The following LPP variants were observed in gnomAD, a reference collection of about 807,000 sequenced individuals.
LPP encodes LIM domain containing preferred translocation partner in lipoma.
A neutral mutation model predicts 60.4 loss-of-function variants in LPP; 38 were observed. That is an observed-to-expected ratio of 0.63 (90% CI 0.49 to 0.83). LPP has a LOEUF of 0.83. Ranked by LOEUF, LPP falls within the 40% of genes least tolerant of loss-of-function variation. LPP has a pLI of 0.00. For missense variants in LPP, 902 were observed against 783.6 expected, an observed-to-expected ratio of 1.15 and a Z score of -1.80; for synonymous variants, 328 against 290.8, an observed-to-expected ratio of 1.13 and a Z score of -1.30.
chr3:188,367,857 TA>T (rs1458685019), intron 3 of LPP, among the ~76,000 whole-genome samples: 2 of 152,246 alleles, frequency 1.3e-5, no homozygotes, highest in East Asian at 3.8e-4. Context: ...ATTTATTTTA[TA>T]ATGGAACCAT....
At chr3:188,183,592 G>A (rs1056658467) in intron 1 of LPP, among the ~76,000 whole-genome samples, 49 of 152,328 alleles carry the variant, frequency 3.2e-4, no homozygotes, top group African/African-American at 1.1e-3. Flanking sequence ...CAGACTTCAT[G>A]TAGTGGCCAA....
At chr3:188,488,215 AG>A (rs976392824) in intron 5 of LPP, among the ~76,000 whole-genome samples, 1 of 152,146 alleles carries the variant, frequency 6.6e-6, no homozygotes, top group African/African-American at 2.4e-5. Context: ...GATTCATTGC[AG>A]AGGGTTACAC....
At chr3:188,361,865 G>T (rs1318264756) in intron 3 of LPP, among the ~76,000 whole-genome samples, 1 of 152,146 alleles carries the variant, frequency 6.6e-6, no homozygotes, top group African/African-American at 2.4e-5. Flanking sequence ...ACTGTGCCTA[G>T]CCCCTCTAGG....
intron 9 of LPP, among the ~76,000 whole-genome samples, chr3:188,840,166 C>G (rs1028795338): frequency 6.6e-6 from 1 of 152,034 alleles, no homozygotes. Context: ...TCCAAGAAAC[C>G]CACGATTTCT....
intron 9 of LPP, among the ~76,000 whole-genome samples, chr3:188,862,049 G>A (rs1765318704): frequency 6.6e-6 from 1 of 152,168 alleles, no homozygotes; most frequent in Non-Finnish European, 1.5e-5. Context: ...ATTACTTACT[G>A]TGTGTCATGA....
At chr3:188,199,200 G>A (rs1313137429) in intron 1 of LPP, among the ~76,000 whole-genome samples, 1 of 152,222 alleles carries the variant, frequency 6.6e-6, no homozygotes, top group Non-Finnish European at 1.5e-5. Context: ...GGCAAGCCTT[G>A]AGAGGAAGGG....
intron 7 of LPP, chr3:188,688,769 A>T (rs1408352649): frequency 1.9e-6 from 1 of 515,058 alleles, no homozygotes; most frequent in Non-Finnish European, 4.0e-6. Flanking sequence ...GATACAAGAA[A>T]AAATTTAAAA....
chr3:188,584,047 T>C (rs1277384316), intron 6 of LPP, among the ~76,000 whole-genome samples: 1 of 152,156 alleles, frequency 6.6e-6, no homozygotes, highest in African/African-American at 2.4e-5. Context: ...TATGTGTAAG[T>C]ACTACATCCC....
intron 6 of LPP, among the ~76,000 whole-genome samples, chr3:188,571,215 G>A (rs1358187440): frequency 1.3e-5 from 2 of 152,056 alleles, no homozygotes; most frequent in Non-Finnish European, 2.9e-5. Context: ...TAGTAGTGGT[G>A]ATTTCTTTGC....
intron 3 of LPP, among the ~76,000 whole-genome samples, chr3:188,395,697 G>A (rs188409206): frequency 6.6e-6 from 1 of 152,284 alleles, no homozygotes; most frequent in African/African-American, 2.4e-5. Context: ...AGGCCAGGGT[G>A]AGAGCACCGC....
intron 6 of LPP, among the ~76,000 whole-genome samples, chr3:188,564,989 C>T (rs1226768708): frequency 2.6e-5 from 4 of 151,910 alleles, no homozygotes; most frequent in Non-Finnish European, 5.9e-5. Context: ...TGCTCCATTC[C>T]ATCTCTGCTC....
intron 7 of LPP, among the ~76,000 whole-genome samples, chr3:188,657,705 G>A (rs1179964424): frequency 6.6e-6 from 1 of 151,902 alleles, no homozygotes; most frequent in Non-Finnish European, 1.5e-5. Flanking sequence ...TAGTCCCCAA[G>A]CACACTAACC....
At chr3:188,209,112 G>A (rs1013469534) in intron 1 of LPP, among the ~76,000 whole-genome samples, 1 of 152,212 alleles carries the variant, frequency 6.6e-6, no homozygotes, top group Non-Finnish European at 1.5e-5. Flanking sequence ...AAAACAGTTA[G>A]TATGTAGCAG....
At chr3:188,509,612 T>C (rs971700716) in intron 5 of LPP, among the ~76,000 whole-genome samples, 1 of 149,524 alleles carries the variant, frequency 6.7e-6, no homozygotes, top group Non-Finnish European at 1.5e-5. Flanking sequence ...CAACTTTTCA[T>C]TTTTTTTTGT....
At chr3:188,525,267 T>C (rs925704522) in intron 6 of LPP, among the ~76,000 whole-genome samples, 3 of 152,130 alleles carry the variant, frequency 2.0e-5, no homozygotes, top group Non-Finnish European at 4.4e-5. Context: ...GCCCGGCCCT[T>C]TTATTCTTTC....
chr3:188,305,692 A>T (rs1751297150), intron 2 of LPP, among the ~76,000 whole-genome samples: 2 of 152,254 alleles, frequency 1.3e-5, no homozygotes, highest in Non-Finnish European at 2.9e-5. Context: ...GTAAGATTAA[A>T]GGAAAAGAGG....
intron 7 of LPP, among the ~76,000 whole-genome samples, chr3:188,655,796 C>G (rs1853061023): frequency 6.6e-6 from 1 of 152,088 alleles, no homozygotes; most frequent in African/African-American, 2.4e-5. Context: ...AATCCTGATA[C>G]CATTTTGAAC....
chr3:188,438,952 A>G (rs1322028236), intron 4 of LPP, among the ~76,000 whole-genome samples: 1 of 152,196 alleles, frequency 6.6e-6, no homozygotes, highest in Non-Finnish European at 1.5e-5. Flanking sequence ...TTGGAGGTCT[A>G]ATCATGTTTT....
intron 4 of LPP, among the ~76,000 whole-genome samples, chr3:188,481,057 G>A (rs187082685): frequency 2.6e-5 from 4 of 152,132 alleles, no homozygotes; most frequent in African/African-American, 9.6e-5. Flanking sequence ...TATTTTCACT[G>A]CAACTTAGAG....
Sources: allele counts gnomAD v4.1 joint callset (sites outside exome capture counted in the v4.1 genomes callset), GRCh38; gene constraint gnomAD v4.1.1; transcripts MANE v1.5; gene names NCBI Gene and HGNC (gene_info 2026-07-23, HGNC 2026-07-21).